The following KIAA1217 variants were observed in gnomAD, a reference collection of about 807,000 sequenced individuals.
KIAA1217 encodes the protein KIAA1217.
KIAA1217 carries 88 observed loss-of-function variants against 163.9 expected under a neutral mutation model. The ratio of observed to expected loss-of-function variants is 0.54; its 90% confidence interval spans 0.45 to 0.64. The LOEUF (loss-of-function observed/expected upper bound fraction) is 0.64. Among genes scored for constraint, KIAA1217 ranks in the 30% least tolerant of loss-of-function variants. KIAA1217 has a pLI of 0.00. For missense variants in KIAA1217, 2,372 were observed against 2,475.0 expected (o/e 0.96, Z 0.88); for synonymous variants, 903 against 923.1 (o/e 0.98, Z 0.39).
intron 2 of KIAA1217, among the ~76,000 whole-genome samples, chr10:24,233,925 T>G (rs1253030957): frequency 1.3e-5 from 2 of 152,202 alleles, no homozygotes; most frequent in East Asian, 3.9e-4. Flanking sequence ...GTTTCACAGG[T>G]TTTTAGTTAT....
At chr10:23,814,489 A>T (rs1021445300) in intron 1 of KIAA1217, among the ~76,000 whole-genome samples, 5 of 152,168 alleles carry the variant, frequency 3.3e-5, no homozygotes, top group Admixed American at 1.3e-4. Flanking sequence ...ATGACTGTTC[A>T]CTCAGTATCC....
chr10:24,271,365 A>T (rs1159748483), intron 2 of KIAA1217, among the ~76,000 whole-genome samples: 2 of 152,126 alleles, frequency 1.3e-5, no homozygotes, highest in Non-Finnish European at 2.9e-5. Context: ...ATGCTATCTG[A>T]ATCTTGATTG....
chr10:24,041,961 T>C (rs188430638), intron 2 of KIAA1217, among the ~76,000 whole-genome samples: 5 of 152,154 alleles, frequency 3.3e-5, no homozygotes, highest in African/African-American at 9.6e-5. Context: ...TGTGTGTGTG[T>C]GCGTTTCATA....
intron 1 of KIAA1217, among the ~76,000 whole-genome samples, chr10:23,986,408 C>G (rs1378932310): frequency 6.6e-6 from 1 of 152,164 alleles, no homozygotes; most frequent in Non-Finnish European, 1.5e-5. Context: ...ATGCTCAAGT[C>G]TCTGATATAA....
At chr10:24,220,037 G>A in intron 2 of KIAA1217, 128 bp downstream of exon 2, 1 of 995,108 alleles carries the variant, frequency 1.0e-6, no homozygotes, top group Non-Finnish European at 1.4e-6. Flanking sequence ...TAGTTGTTCT[G>A]GATTTCTTTG....
intron 2 of KIAA1217, among the ~76,000 whole-genome samples, chr10:24,276,120 A>G (rs1043562974): frequency 6.6e-6 from 1 of 152,200 alleles, no homozygotes; most frequent in Non-Finnish European, 1.5e-5. Flanking sequence ...TGAAATAGTA[A>G]TTGAATTGGG....
chr10:23,945,726 G>A (rs184203999), intron 1 of KIAA1217, among the ~76,000 whole-genome samples: 1 of 152,212 alleles, frequency 6.6e-6, no homozygotes, highest in African/African-American at 2.4e-5. Flanking sequence ...TGCATTTGCT[G>A]GAACCTGGAA....
At chr10:23,986,369 G>T (rs79394243) in intron 1 of KIAA1217, among the ~76,000 whole-genome samples, 1 of 152,134 alleles carries the variant, frequency 6.6e-6, no homozygotes, top group Non-Finnish European at 1.5e-5. Flanking sequence ...TTTGTTCCAG[G>T]ATCCTCCAGT....
At chr10:23,896,170 G>A (rs1263367390) in intron 1 of KIAA1217, among the ~76,000 whole-genome samples, 2 of 151,730 alleles carry the variant, frequency 1.3e-5, no homozygotes, top group South Asian at 2.1e-4. Context: ...TTTTAAAAAA[G>A]TAGAAGAATA....
intron 2 of KIAA1217, among the ~76,000 whole-genome samples, chr10:24,181,702 G>A (rs768516842): frequency 1.3e-5 from 2 of 152,210 alleles, no homozygotes; most frequent in Non-Finnish European, 2.9e-5. Context: ...TTTTGTCCAG[G>A]TTGGTGGTAG....
intron 1 of KIAA1217, among the ~76,000 whole-genome samples, chr10:23,812,433 T>C (rs112922725): frequency 3.1e-3 from 475 of 152,336 alleles, no homozygotes; most frequent in Non-Finnish European, 5.7e-3. Flanking sequence ...CAGGCCATAG[T>C]AGGAGCTTGG....
In KIAA1217 at chr10:24,281,096, C is replaced by T. The variant is rs374076511; in HGVS notation, c.354+61187C>T. Among the ~76,000 whole-genome samples the T allele has an allele frequency of 1.3e-3, 204 of 152,230 alleles. 3 individuals are homozygous for T. Among genetic ancestry groups the T allele is most frequent in the African/African-American group, 4.4e-3 (183 of 41,540 alleles). ...TGATGTGTATTTAAAATAAAGTTTT[C>T]ATTTTAGAACAGTTTGAGATTTACA... is the stretch of plus-strand genomic sequence containing the variant. On this transcript the variant is annotated intron_variant, in intron 2 of 20. Coordinates refer to ENST00000376454, the MANE Select transcript of KIAA1217 (RefSeq NM_019590.5).
At chr10:23,731,846 A>T (rs7923124) in intron 1 of KIAA1217, among the ~76,000 whole-genome samples, 33,192 of 151,958 alleles carry the variant, frequency 0.22, 3,871 homozygotes, top group Middle Eastern at 0.29. Flanking sequence ...TTTTTCTGCA[A>T]CTATTGATAT....
chr10:24,151,124 G>A (rs1011924834), intron 2 of KIAA1217, among the ~76,000 whole-genome samples: 5 of 152,108 alleles, frequency 3.3e-5, no homozygotes, highest in Middle Eastern at 3.4e-3. Flanking sequence ...GGCAGGAGGC[G>A]CATCTGAGCC....
intron 2 of KIAA1217, among the ~76,000 whole-genome samples, chr10:24,295,034 C>T (rs185319464): frequency 6.6e-6 from 1 of 152,208 alleles, no homozygotes; most frequent in African/African-American, 2.4e-5. Context: ...AAATGTCTCT[C>T]TTCTGGGCTG....
At chr10:23,956,650 G>A (rs1166887712) in intron 1 of KIAA1217, among the ~76,000 whole-genome samples, 1 of 152,142 alleles carries the variant, frequency 6.6e-6, no homozygotes, top group Non-Finnish European at 1.5e-5. Context: ...CTGGGCCACG[G>A]TTCTTCAGGC....
chr10:23,842,272 A>C (rs1253043115), intron 1 of KIAA1217, among the ~76,000 whole-genome samples: 1 of 152,192 alleles, frequency 6.6e-6, no homozygotes, highest in Non-Finnish European at 1.5e-5. Context: ...TGGTTCTGCC[A>C]AAAACTCCTA....
At chr10:24,288,854 A>G (rs2078820412) in intron 2 of KIAA1217, among the ~76,000 whole-genome samples, 1 of 152,224 alleles carries the variant, frequency 6.6e-6, no homozygotes, top group Non-Finnish European at 1.5e-5. Context: ...TTAATCCTGT[A>G]GGCACTGGGA....
chr10:23,807,912 G>T (rs144117899), intron 1 of KIAA1217, among the ~76,000 whole-genome samples: 170 of 152,310 alleles, frequency 1.1e-3, no homozygotes, highest in African/African-American at 3.8e-3. Flanking sequence ...CTTACTCTTA[G>T]ATCTGAGCTA....
Sources: allele counts gnomAD v4.1 joint callset (sites outside exome capture counted in the v4.1 genomes callset), GRCh38; gene constraint gnomAD v4.1.1; transcripts MANE v1.5; gene names NCBI Gene and HGNC (gene_info 2026-07-23, HGNC 2026-07-21).